Variants in CTNND2 observed in about 807,000 individuals in gnomAD.
CTNND2 encodes catenin delta-2.
A neutral mutation model predicts 144.4 loss-of-function variants in CTNND2; 22 were observed. The observed-to-expected ratio is 0.15, with a 90% CI of 0.11 to 0.22. CTNND2 has a LOEUF of 0.22. Among genes scored for constraint, CTNND2 ranks in the 10% least tolerant of loss-of-function variants. CTNND2 has a pLI of 1.00. For missense variants in CTNND2, 1,353 were observed against 1,618.8 expected (o/e 0.84, Z 2.82); for synonymous variants, 751 against 695.6 (o/e 1.08, Z -1.25).
chr5:11,884,244 C>A (rs984356818), intron 1 of CTNND2, among the ~76,000 whole-genome samples: 3 of 152,152 alleles, frequency 2.0e-5, no homozygotes, highest in African/African-American at 7.2e-5. Context: ...GTCATGAAGT[C>A]TTTGCCCATG....
chr5:11,529,470 A>G (rs577655063), intron 3 of CTNND2, among the ~76,000 whole-genome samples: 11 of 152,366 alleles, frequency 7.2e-5, no homozygotes, highest in Admixed American at 5.2e-4. Context: ...AATTTGAGCC[A>G]TCTTTGATCT....
intron 16 of CTNND2, among the ~76,000 whole-genome samples, chr5:11,072,087 A>G (rs1025591942): frequency 6.6e-6 from 1 of 152,232 alleles, no homozygotes; most frequent in Non-Finnish European, 1.5e-5. Flanking sequence ...GTAATAGTCA[A>G]TTAAAATGTA....
intron 16 of CTNND2, among the ~76,000 whole-genome samples, chr5:11,059,975 A>AT (rs998056552): frequency 6.6e-6 from 1 of 151,920 alleles, no homozygotes; most frequent in Admixed American, 6.5e-5. Context: ...AAGAAGTAAA[A>AT]TATTTTTTCC....
At chr5:11,430,353 C>CAA (rs375334338) in intron 3 of CTNND2, among the ~76,000 whole-genome samples, 1 of 44,312 alleles carries the variant, frequency 2.3e-5, no homozygotes, top group African/African-American at 7.2e-5. Flanking sequence ...GGACATGAAA[C>CAA]AAAAAAAAAA....
chr5:11,639,427 AG>A (rs893135369), intron 2 of CTNND2, among the ~76,000 whole-genome samples: 1 of 152,202 alleles, frequency 6.6e-6, no homozygotes, highest in African/African-American at 2.4e-5. Context: ...GTCCAATTTG[AG>A]AAGCACTGAT....
intron 12 of CTNND2, among the ~76,000 whole-genome samples, chr5:11,153,970 A>G (rs1757984928): frequency 6.6e-6 from 1 of 150,916 alleles, no homozygotes; most frequent in South Asian, 2.1e-4. Context: ...AAGGTAAAAA[A>G]GTATGCTCTG....
chr5:11,733,685 A>T (rs1172016281), intron 1 of CTNND2, among the ~76,000 whole-genome samples: 1 of 152,220 alleles, frequency 6.6e-6, no homozygotes, highest in Non-Finnish European at 1.5e-5. Context: ...CCAAGTTCCT[A>T]GTCCATGACA....
intron 1 of CTNND2, among the ~76,000 whole-genome samples, chr5:11,855,998 A>G (rs983983786): frequency 1.3e-5 from 2 of 152,222 alleles, no homozygotes; most frequent in Admixed American, 1.3e-4. Context: ...TTGAGAAAGC[A>G]CTGAATGAAT....
chr5:11,280,369 G>A (rs1746990250), intron 9 of CTNND2, among the ~76,000 whole-genome samples: 1 of 152,168 alleles, frequency 6.6e-6, no homozygotes, highest in African/African-American at 2.4e-5. Context: ...TTTAACAACA[G>A]AAATGCATTT....
chr5:11,217,859 G>T (rs1260189566), intron 10 of CTNND2, among the ~76,000 whole-genome samples: 1 of 152,178 alleles, frequency 6.6e-6, no homozygotes, highest in Non-Finnish European at 1.5e-5. Context: ...CAATCTCTTT[G>T]GGTGTTTGTT....
intron 10 of CTNND2, among the ~76,000 whole-genome samples, chr5:11,233,771 C>A (rs1741314674): frequency 1.3e-5 from 2 of 151,244 alleles, no homozygotes; most frequent in African/African-American, 4.9e-5. Context: ...CATATGCACG[C>A]CTCCCTATGT....
At chr5:11,092,645 G>C (rs1024623) in intron 15 of CTNND2, among the ~76,000 whole-genome samples, 20,021 of 152,196 alleles carry the variant, frequency 0.13, 1,499 homozygotes, top group African/African-American at 0.21. Flanking sequence ...GGACACTGCT[G>C]ACTAGACAGG....
At position 11,159,682 on chromosome 5, in the gene CTNND2, C is replaced by T. The variant is rs1005474220; in HGVS notation, c.2053G>A (p.Ala685Thr). 8 of 1,613,352 alleles carry T rather than the reference C, an allele frequency of 5.0e-6. No individual in the cohort carries two copies. Among genetic ancestry groups the T allele is most frequent in the African/African-American group, 2.7e-5 (2 of 75,010 alleles). ...IQDALAVLTN[A>T]VIIPHSGWEN... ...CAGCCTGAGTGGGGGATAATCACCGCGTTGGTCAGTACTGCTAGGGCATCC... is the reference window on the plus strand; with the variant it reads ...CAGCCTGAGTGGGGGATAATCACCGTGTTGGTCAGTACTGCTAGGGCATCC... The change falls in exon 12 of 22, where the codon GCG becomes ACG. Residue 685 changes from alanine (A) to threonine (T), a missense_variant. Transcript: ENST00000304623.
chr5:11,286,251 G>C (rs1747740674), intron 9 of CTNND2, among the ~76,000 whole-genome samples: 1 of 151,992 alleles, frequency 6.6e-6, no homozygotes, highest in African/African-American at 2.4e-5. Context: ...AAAAAAAAGA[G>C]ACATGCCACC....
At chr5:11,164,152 C>T (rs1759069107) in intron 11 of CTNND2, among the ~76,000 whole-genome samples, 1 of 152,146 alleles carries the variant, frequency 6.6e-6, no homozygotes, top group Non-Finnish European at 1.5e-5. Flanking sequence ...TCCTACCTCC[C>T]TCTCATAAGG....
At chr5:11,032,765 C>T (rs1171108350) in intron 16 of CTNND2, among the ~76,000 whole-genome samples, 5 of 152,166 alleles carry the variant, frequency 3.3e-5, no homozygotes, top group African/African-American at 7.2e-5. Context: ...TCAAAAGGTT[C>T]TATATTGTAA....
At chr5:11,692,665 G>A (rs1398227279) in intron 2 of CTNND2, among the ~76,000 whole-genome samples, 2 of 152,198 alleles carry the variant, frequency 1.3e-5, no homozygotes, top group East Asian at 1.9e-4. Flanking sequence ...GCAGTGGCAC[G>A]ATCTCAGTTC....
intron 1 of CTNND2, among the ~76,000 whole-genome samples, chr5:11,878,900 G>A (rs957422087): frequency 4.6e-5 from 7 of 152,178 alleles, no homozygotes; most frequent in African/African-American, 1.4e-4. Flanking sequence ...TGCTAGCCTG[G>A]ATGTCTCAAA....
chr5:11,401,727 G>C (rs956280444), intron 5 of CTNND2, among the ~76,000 whole-genome samples: 6 of 152,116 alleles, frequency 3.9e-5, no homozygotes, highest in Non-Finnish European at 8.8e-5. Flanking sequence ...GGGAACTGAG[G>C]GATCCATTAA....
Sources: allele counts gnomAD v4.1 joint callset (sites outside exome capture counted in the v4.1 genomes callset), GRCh38; gene constraint gnomAD v4.1.1; transcripts MANE v1.5; gene names NCBI Gene and HGNC (gene_info 2026-07-23, HGNC 2026-07-21).